The following ZNF410 variants were observed in gnomAD, a reference collection of about 807,000 sequenced individuals.
The protein encoded by ZNF410 is another partner for ARF 1.
ZNF410 carries 18 observed loss-of-function variants against 54.8 expected under a neutral mutation model. The observed-to-expected ratio is 0.33, with a 90% CI of 0.23 to 0.49. The LOEUF (loss-of-function observed/expected upper bound fraction) is 0.49. Ranked by LOEUF, ZNF410 falls within the 20% of genes least tolerant of loss-of-function variation. The pLI is 0.99. For missense variants in ZNF410, 405 were observed against 569.6 expected (o/e 0.71, Z 2.94); for synonymous variants, 191 against 207.3 (o/e 0.92, Z 0.68).
intron 8 of ZNF410, among the ~76,000 whole-genome samples, chr14:73,911,956 T>C (rs1393820194): frequency 6.6e-6 from 1 of 152,168 alleles, no homozygotes; most frequent in Non-Finnish European, 1.5e-5. Context: ...ATTTATGTCA[T>C]TTAACTTGTT....
chr14:73,910,305 A>G (rs1434022220), intron 8 of ZNF410, among the ~76,000 whole-genome samples: 1 of 152,190 alleles, frequency 6.6e-6, no homozygotes, highest in Admixed American at 6.5e-5. Flanking sequence ...TCTGGTCAAG[A>G]AGTCTGCTCC....
chr14:73,923,749 T>A (rs1475436236), intron 11 of ZNF410, among the ~76,000 whole-genome samples: 1 of 152,204 alleles, frequency 6.6e-6, no homozygotes, highest in Non-Finnish European at 1.5e-5. Context: ...AAAGTTCTTT[T>A]ATATACATTC....
At chr14:73,890,348 C>T (rs150364408) in intron 1 of ZNF410, among the ~76,000 whole-genome samples, 17 of 152,056 alleles carry the variant, frequency 1.1e-4, no homozygotes, top group African/African-American at 2.9e-4. Context: ...GCCACATGCC[C>T]GGCTAATTTT....
intron 7 of ZNF410, chr14:73,906,503 C>G (rs897947532): frequency 6.6e-6 from 1 of 151,664 alleles, no homozygotes; most frequent in Non-Finnish European, 1.5e-5. Context: ...ATTTTTGAGA[C>G]GGAGTCTCAC....
chr14:73,909,627 A>AT (rs1466886911), intron 8 of ZNF410, 197 bp downstream of exon 8: 3 of 501,314 alleles, frequency 6.0e-6, no homozygotes, highest in African/African-American at 3.9e-5. Flanking sequence ...ACATCTAATT[A>AT]TTATTTTCAG....
chr14:73,906,659 T>C (rs762572842), intron 7 of ZNF410, among the ~76,000 whole-genome samples: 1 of 151,686 alleles, frequency 6.6e-6, no homozygotes, highest in Non-Finnish European at 1.5e-5. Flanking sequence ...TTGTATTTCT[T>C]GTAGAGACCG....
chr14:73,903,184 A>G (rs2055433641), intron 5 of ZNF410, among the ~76,000 whole-genome samples: 1 of 152,196 alleles, frequency 6.6e-6, no homozygotes, highest in Non-Finnish European at 1.5e-5. Context: ...ACTGGAGTGC[A>G]GTGGTGCAAT....
intron 8 of ZNF410, among the ~76,000 whole-genome samples, chr14:73,919,317 T>A (rs758866394): frequency 1.2e-3 from 187 of 151,964 alleles, no homozygotes; most frequent in Non-Finnish European, 1.6e-3. Flanking sequence ...TATTTTAGAT[T>A]CAGGGGGTAC....
intron 2 of ZNF410, chr14:73,893,319 T>A (rs1470562320): frequency 6.6e-6 from 1 of 152,406 alleles, no homozygotes; most frequent in Non-Finnish European, 1.5e-5. Flanking sequence ...ATGATGGTAG[T>A]TGATATCATT....
At chr14:73,894,217 G>A (rs1468516) in intron 3 of ZNF410, 86,100 of 651,318 alleles carry the variant, frequency 0.13, 6,746 homozygotes, top group Admixed American at 0.24. Flanking sequence ...ACTTGTAAAG[G>A]AGGGAAGAAA....
chr14:73,923,103 C>A (rs970036723), intron 10 of ZNF410, among the ~76,000 whole-genome samples: 2 of 152,130 alleles, frequency 1.3e-5, no homozygotes, highest in Non-Finnish European at 2.9e-5. Context: ...GTTCCCTTAC[C>A]TGCTTGCCTA....
chr14:73,920,200 T>C (rs79646623), intron 8 of ZNF410: 10 of 152,306 alleles, frequency 6.6e-5, no homozygotes, highest in Admixed American at 5.9e-4. Context: ...TGATGATTGC[T>C]GTACCATGTG....
At chr14:73,916,073 C>T (rs968305916) in intron 8 of ZNF410, 2 of 146,174 alleles carry the variant, frequency 1.4e-5, no homozygotes, top group Admixed American at 1.4e-4. Flanking sequence ...GACCTGTCCT[C>T]TACAAAAAAT....
chr14:73,899,602 A>G (rs10151095), intron 5 of ZNF410, among the ~76,000 whole-genome samples: 147 of 152,304 alleles, frequency 9.7e-4, no homozygotes, highest in African/African-American at 3.4e-3. Context: ...ATATTTGCCA[A>G]TGAGAAGCAG....
intron 8 of ZNF410, among the ~76,000 whole-genome samples, chr14:73,918,039 C>G (rs1213750055): frequency 1.3e-5 from 2 of 152,176 alleles, no homozygotes; most frequent in Non-Finnish European, 1.5e-5. Flanking sequence ...GTACCTAATA[C>G]AACGTAAATG....
chr14:73,932,449 G>GTTACTGGATTA lies in ZNF410; in HGVS notation c.*913_*914insGGATTATTACT, dbSNP rs112276440. On this transcript the variant is annotated 3_prime_UTR_variant, in exon 12 of 12. Transcript: ENST00000555044. The stretch of plus-strand genomic sequence containing the variant: ...CTTCATTTCTTAAGCCCAGGTGATA[G>GTTACTGGATTA]TTACTCTGTCACCACCAAAAAAGAC... 1,762 of 455,102 alleles carry GTTACTGGATTA rather than the reference G, an allele frequency of 3.9e-3. 22 individuals carry two copies. Among genetic ancestry groups the GTTACTGGATTA allele is most frequent in the African/African-American group, 0.032 (1,597 of 50,052 alleles). 28.2% of individuals were successfully genotyped at this position (455,102 alleles called of 1,614,324 possible). A position where few individuals can be genotyped will look rare whatever the true frequency, so the allele number is the denominator to read the frequency against.
At chr14:73,890,781 G>A (rs903619556) in intron 1 of ZNF410, among the ~76,000 whole-genome samples, 3 of 152,056 alleles carry the variant, frequency 2.0e-5, no homozygotes, top group Non-Finnish European at 2.9e-5. Flanking sequence ...GGGAGGCCAC[G>A]GCAGGCGGAT....
At chr14:73,896,275 G>A in intron 3 of ZNF410, 41 bp from the exon 4 acceptor site, 1 of 1,519,896 alleles carries the variant, frequency 6.6e-7, no homozygotes. Context: ...GGCTCCTAGA[G>A]ATAGGTGCTA....
chr14:73,918,084 A>AT (rs2055696029), intron 8 of ZNF410, among the ~76,000 whole-genome samples: 2 of 152,018 alleles, frequency 1.3e-5, no homozygotes, highest in Admixed American at 1.3e-4. Flanking sequence ...GGTTATTTGT[A>AT]TTTTTTATTG....
Sources: allele counts gnomAD v4.1 joint callset (sites outside exome capture counted in the v4.1 genomes callset), GRCh38; gene constraint gnomAD v4.1.1; transcripts MANE v1.5; gene names NCBI Gene and HGNC (gene_info 2026-07-23, HGNC 2026-07-21).